The following GNAL variants were observed in gnomAD, a reference collection of about 807,000 sequenced individuals.
The protein encoded by GNAL is guanine nucleotide-binding protein G(olf) subunit alpha.
In GNAL, 18 loss-of-function variants were observed where a neutral mutation model predicts 55.1. The observed-to-expected ratio is 0.33, with a 90% CI of 0.23 to 0.48. The LOEUF is 0.48. GNAL is among the 20% of genes least tolerant of loss of function. GNAL has a pLI of 0.99. For synonymous variants in GNAL, 253 were observed against 237.0 expected (o/e 1.07, Z -0.62); for missense variants, 412 against 614.1 (o/e 0.67, Z 3.48).
chr18:11,852,197 C>A, intron 5 of GNAL: 1 of 1,425,816 alleles, frequency 7.0e-7, no homozygotes, highest in Non-Finnish European at 9.3e-7. Flanking sequence ...ACCCTAGAAA[C>A]TCTGAACACG....
At chr18:11,790,803 C>T (rs1163450245) in intron 4 of GNAL, among the ~76,000 whole-genome samples, 1 of 151,716 alleles carries the variant, frequency 6.6e-6, no homozygotes, top group Admixed American at 6.6e-5. Flanking sequence ...ACTACAGGTG[C>T]CCGCCACCAC....
At chr18:11,851,635 A>T in intron 5 of GNAL, 1 of 1,614,048 alleles carries the variant, frequency 6.2e-7, no homozygotes, top group Non-Finnish European at 8.5e-7. Flanking sequence ...GGCCATTCAG[A>T]AGGGCAACAT....
At chr18:11,793,911 GAAAAAAAAA>G (rs76942749) in intron 4 of GNAL, among the ~76,000 whole-genome samples, 1 of 106,400 alleles carries the variant, frequency 9.4e-6, no homozygotes, top group East Asian at 2.9e-4. Context: ...TCCATCTCGG[GAAAAAAAAA>G]AAAAAAAAAG....
chr18:11,726,116 G>A (rs957584305), intron 1 of GNAL, among the ~76,000 whole-genome samples: 1 of 152,236 alleles, frequency 6.6e-6, no homozygotes, highest in South Asian at 2.1e-4. Context: ...CTGCATGTCT[G>A]TTGTTGCACC....
chr18:11,865,755 TAAAAAAA>T (rs777122802), intron 7 of GNAL, among the ~76,000 whole-genome samples: 1 of 81,226 alleles, frequency 1.2e-5, no homozygotes, highest in Non-Finnish European at 2.4e-5. Flanking sequence ...ACCCTGTCTC[TAAAAAAA>T]AAAAAAAAAA....
intron 1 of GNAL, among the ~76,000 whole-genome samples, chr18:11,704,897 T>C (rs2031667875): frequency 6.6e-6 from 1 of 152,144 alleles, no homozygotes; most frequent in Admixed American, 6.6e-5. Flanking sequence ...CCTGAGAGCA[T>C]ATCCATCACC....
intron 10 of GNAL, among the ~76,000 whole-genome samples, chr18:11,875,004 G>A (rs57630707): frequency 0.11 from 17,311 of 152,190 alleles, 1,427 homozygotes; most frequent in African/African-American, 0.23. Flanking sequence ...AGATTTCGTG[G>A]GGTTACAGAA....
At chr18:11,711,991 A>G (rs546103450) in intron 1 of GNAL, among the ~76,000 whole-genome samples, 3 of 152,346 alleles carry the variant, frequency 2.0e-5, no homozygotes, top group African/African-American at 7.2e-5. Context: ...TCAGGAGCCC[A>G]TAATCTCTTG....
chr18:11,831,752 C>T (rs2143688481), intron 5 of GNAL, among the ~76,000 whole-genome samples: 1 of 152,362 alleles, frequency 6.6e-6, no homozygotes, highest in South Asian at 2.1e-4. Flanking sequence ...CAGGCCAATT[C>T]TTACCTAGCC....
intron 1 of GNAL, among the ~76,000 whole-genome samples, chr18:11,714,108 T>C (rs1019750293): frequency 6.6e-6 from 1 of 152,182 alleles, no homozygotes; most frequent in Non-Finnish European, 1.5e-5. Flanking sequence ...TGGATTGTAG[T>C]CTCTCCCACC....
chr18:11,704,244 G>A (rs78452444), intron 1 of GNAL, among the ~76,000 whole-genome samples: 1,546 of 152,264 alleles, frequency 0.01, 26 homozygotes, highest in African/African-American at 0.035. Context: ...GGAACACATC[G>A]TGGATCCCAC....
intron 5 of GNAL, among the ~76,000 whole-genome samples, chr18:11,849,744 G>A (rs921449105): frequency 1.3e-5 from 2 of 151,994 alleles, no homozygotes; most frequent in African/African-American, 4.8e-5. Context: ...TTGGAAAAAG[G>A]GTTCTACTGC....
intron 1 of GNAL, among the ~76,000 whole-genome samples, chr18:11,720,784 A>G (rs747342590): frequency 1.3e-5 from 2 of 152,224 alleles, no homozygotes; most frequent in Admixed American, 6.5e-5. Flanking sequence ...GAGCTTGGAA[A>G]ATATTTCTGC....
In GNAL at chr18:11,885,565, T is replaced by G. The variant is rs375837660; in HGVS notation, c.*4430T>G. ...GAGCTACGTGTAGAAGGAGAGAAAT[T>G]TGTGTGTGGCTTTTGTAAATTTTGA... On this transcript the variant is annotated 3_prime_UTR_variant, in exon 12 of 12. Coordinates refer to ENST00000334049, the MANE Select transcript of GNAL (RefSeq NM_182978.4). 3.4e-4 allele frequency: 451 copies of G among 1,339,154 alleles called. 2 individuals are homozygous for G. In the African/African-American group the frequency reaches 6.0e-3, roughly 18 times the overall value. The allele number at this position is 1,339,154 out of a possible 1,614,324, so 83.0% of individuals were successfully genotyped here.
chr18:11,766,867 C>G (rs1476939447), intron 4 of GNAL, among the ~76,000 whole-genome samples: 1 of 152,170 alleles, frequency 6.6e-6, no homozygotes, highest in Non-Finnish European at 1.5e-5. Context: ...CCAGGCAGGA[C>G]GTTTGGAGGG....
At chr18:11,701,460 G>A (rs1226703305) in intron 1 of GNAL, among the ~76,000 whole-genome samples, 5 of 151,522 alleles carry the variant, frequency 3.3e-5, no homozygotes, top group Middle Eastern at 3.4e-3. Context: ...ACGTTGTGGC[G>A]GGTACCTATA....
At chr18:11,869,665 C>A (rs1377972031) in intron 9 of GNAL, among the ~76,000 whole-genome samples, 1 of 152,140 alleles carries the variant, frequency 6.6e-6, no homozygotes, top group African/African-American at 2.4e-5. Context: ...ATAATCCCAG[C>A]ACTTTGGGAG....
rs542287629 is a variant in GNAL, at chr18:11,757,260, G to A, written c.624+3315G>A. Among the ~76,000 whole-genome samples, 18 of 152,312 alleles carry A rather than the reference G, an allele frequency of 1.2e-4. No individual in the cohort carries two copies. The South Asian group carries it at 3.3e-3, about 28-fold the overall frequency. On this transcript the variant is annotated intron_variant, in intron 4 of 11. Transcript: ENST00000334049. The stretch of plus-strand genomic sequence containing the variant: ...ACCTATCAGCCAAGGGCTGCTGTGG[G>A]GAGGTCAGAGAGACTCAGAGGCTGG...
chr18:11,740,029 G>A (rs941015780), intron 1 of GNAL, among the ~76,000 whole-genome samples: 24 of 151,762 alleles, frequency 1.6e-4, no homozygotes, highest in Non-Finnish European at 2.4e-4. Flanking sequence ...CCCTCCTTCC[G>A]CATTCACTAG....
Sources: gnomAD v4.1 joint callset for allele counts (sites outside exome capture counted in the v4.1 genomes callset) on GRCh38, gnomAD v4.1.1 for gene constraint, MANE v1.5 for transcripts, NCBI Gene and HGNC (gene_info 2026-07-23, HGNC 2026-07-21) for gene names.